The following PUDP variants were observed in gnomAD, a reference collection of about 807,000 sequenced individuals.
PUDP encodes the protein pseudouridine 5'-phosphatase.
Under a neutral mutation model 9.4 loss-of-function variants are expected in PUDP, and 8 were observed. The ratio of observed to expected loss-of-function variants is 0.85; its 90% CI spans 0.50 to 1.53. PUDP has a LOEUF of 1.53. Ranked by LOEUF, PUDP falls within the 40% of genes most tolerant of loss-of-function variation. PUDP has a pLI of 0.00. For missense variants in PUDP, 188 were observed against 189.7 expected (o/e 0.99, Z 0.05); for synonymous variants, 99 against 80.7 (o/e 1.23, Z -1.22).
chrX:6,893,039 G>GA (rs760571245), intron 3 of PUDP, among the ~76,000 whole-genome samples: 13 of 111,426 alleles, frequency 1.2e-4, no homozygotes, highest in African/African-American at 2.0e-4. Flanking sequence ...TGTCATTGGG[G>GA]AAAAAAAACT....
At chrX:7,021,427 C>T (rs956597858) in intron 1 of PUDP, among the ~76,000 whole-genome samples, 1 of 111,253 alleles carries the variant, frequency 9.0e-6, no homozygotes, top group Non-Finnish European at 1.9e-5. Flanking sequence ...CTTTAATGCA[C>T]CCCCCCTTAG....
intron 3 of PUDP, among the ~76,000 whole-genome samples, chrX:6,863,073 T>C (rs757149787): frequency 8.9e-6 from 1 of 111,846 alleles, no homozygotes; most frequent in African/African-American, 3.2e-5. Context: ...AGGAGTCTGC[T>C]ATGTTGCCCT....
intron 3 of PUDP, among the ~76,000 whole-genome samples, chrX:6,861,649 G>A (rs950190310): frequency 1.8e-5 from 2 of 111,407 alleles, no homozygotes; most frequent in South Asian, 3.9e-4. Flanking sequence ...ATTCTCCCAC[G>A]AGTCAACCCC....
intron 3 of PUDP, among the ~76,000 whole-genome samples, chrX:6,791,894 T>G (rs757047331): frequency 3.5e-4 from 39 of 112,079 alleles, no homozygotes; most frequent in Non-Finnish European, 6.8e-4. Flanking sequence ...TAGTGGACAA[T>G]TTTTTCAACT....
intron 3 of PUDP, among the ~76,000 whole-genome samples, chrX:6,878,275 CTCA>C (rs199498711): frequency 0.092 from 10,162 of 110,961 alleles, 599 homozygotes; most frequent in East Asian, 0.46. Context: ...TCTGAATCTG[CTCA>C]TCTTCAGTTA....
At chrX:6,968,845 C>T (rs778550176) in intron 3 of PUDP, among the ~76,000 whole-genome samples, 1 of 111,628 alleles carries the variant, frequency 9.0e-6, no homozygotes, top group Admixed American at 9.5e-5. Context: ...GTCTCAAACT[C>T]CTGGCCTCAA....
chrX:6,738,081 T>C (rs937116879), intron 3 of PUDP, among the ~76,000 whole-genome samples: 3 of 111,312 alleles, frequency 2.7e-5, no homozygotes, highest in Non-Finnish European at 5.7e-5. Context: ...CTAGAAAACC[T>C]TGGACAATGC....
intron 3 of PUDP, among the ~76,000 whole-genome samples, chrX:6,953,442 A>T: frequency 9.0e-6 from 1 of 110,647 alleles, no homozygotes. Flanking sequence ...TACATTTCCT[A>T]CTTACATTTC....
intron 3 of PUDP, among the ~76,000 whole-genome samples, chrX:6,847,297 TTA>T (rs1359894731): frequency 4.5e-5 from 5 of 110,793 alleles, no homozygotes; most frequent in Non-Finnish European, 9.4e-5. Flanking sequence ...AGAAATGATT[TTA>T]GAGTTGTGTA....
chrX:6,965,230 A>C (rs1040449908), intron 3 of PUDP, among the ~76,000 whole-genome samples: 1 of 111,955 alleles, frequency 8.9e-6, no homozygotes, highest in Non-Finnish European at 1.9e-5. Flanking sequence ...AAGCAGCCGA[A>C]GGTCAGAGAG....
At chrX:6,726,757 CT>C (rs1924743417) in intron 3 of PUDP, among the ~76,000 whole-genome samples, 2 of 111,126 alleles carry the variant, frequency 1.8e-5, no homozygotes, top group Non-Finnish European at 3.8e-5. Context: ...GGAAGCCTTC[CT>C]GGAAATACAT....
intron 3 of PUDP, among the ~76,000 whole-genome samples, chrX:6,814,295 G>A (rs1314558851): frequency 2.7e-5 from 3 of 110,421 alleles, no homozygotes; most frequent in Admixed American, 1.9e-4. Flanking sequence ...AATGAAATGC[G>A]AGCCATCTTT....
chrX:7,132,554 T>G (rs767596482), intron 1 of PUDP, among the ~76,000 whole-genome samples: 28 of 111,659 alleles, frequency 2.5e-4, no homozygotes, highest in Non-Finnish European at 3.8e-4. Flanking sequence ...AAGGAACAAG[T>G]CATGGAGCCA....
intron 1 of PUDP, among the ~76,000 whole-genome samples, chrX:7,007,708 T>G (rs975953325): frequency 8.9e-6 from 1 of 112,212 alleles, no homozygotes; most frequent in Non-Finnish European, 1.9e-5. Context: ...GGCAAATCAT[T>G]TGGCACCAAA....
rs771104995 is a variant in PUDP, at chrX:6,839,580, G to A, written c.*248-133114C>T. On this transcript the variant is annotated intron_variant and NMD_transcript_variant, in intron 3 of 3. Transcript: ENST00000655425. ...AAACCAACGGGTTTTTCACATTAGGGTTAAAATTATTTACCATTCAAATGA... is the reference window on the plus strand; with the variant it reads ...AAACCAACGGGTTTTTCACATTAGGATTAAAATTATTTACCATTCAAATGA... 3.0e-4 allele frequency among the ~76,000 whole-genome samples: 34 copies of A among 111,653 alleles called. 1 individual carries two copies. Among genetic ancestry groups the A allele is most frequent in the South Asian group, 1.1e-3 (3 of 2,641 alleles).
At chrX:6,973,820 C>A (rs889197862) in intron 3 of PUDP, among the ~76,000 whole-genome samples, 1 of 111,011 alleles carries the variant, frequency 9.0e-6, no homozygotes. Context: ...AAGTCTCCCA[C>A]TATTATTGTG....
chrX:6,962,835 T>G (rs1380843271), intron 3 of PUDP, among the ~76,000 whole-genome samples: 1 of 112,717 alleles, frequency 8.9e-6, no homozygotes, highest in Non-Finnish European at 1.9e-5. Context: ...CTCTCTTAAT[T>G]CTAACAATAG....
chrX:6,725,824 A>G (rs867989217), upstream of PUDP, among the ~76,000 whole-genome samples: 2 of 112,107 alleles, frequency 1.8e-5, no homozygotes, highest in African/African-American at 6.5e-5. Flanking sequence ...TGGGAGTGTA[A>G]GTTAGTACAA....
intron 3 of PUDP, among the ~76,000 whole-genome samples, chrX:6,885,480 G>A (rs72609580): frequency 0.093 from 10,423 of 111,560 alleles, 611 homozygotes; most frequent in East Asian, 0.46. Context: ...AACAAGTCAT[G>A]GCACTCAACA....
Sources: gnomAD v4.1 joint callset for allele counts (sites outside exome capture counted in the v4.1 genomes callset) on GRCh38, gnomAD v4.1.1 for gene constraint, MANE v1.5 for transcripts, NCBI Gene and HGNC (gene_info 2026-07-23, HGNC 2026-07-21) for gene names.